The following ABI3BP variants were observed in gnomAD, a reference collection of about 807,000 sequenced individuals.
The protein encoded by ABI3BP is target of Nesh-SH3.
ABI3BP carries 216 observed loss-of-function variants against 268.6 expected under a neutral mutation model. The ratio of observed to expected loss-of-function variants is 0.80; its 90% confidence interval spans 0.72 to 0.90. The LOEUF is 0.90. ABI3BP is among the 40% of genes least tolerant of loss of function. The pLI, the probability that ABI3BP is intolerant of heterozygous loss-of-function variation, is 0.00. For synonymous variants in ABI3BP, 730 were observed against 730.0 expected, an observed-to-expected ratio of 1.00 and a Z score of 0.00; for missense variants, 2,090 against 2,182.4, an observed-to-expected ratio of 0.96 and a Z score of 0.84.
At chr3:100,966,829 C>A (rs1562139362) in intron 1 of ABI3BP, among the ~76,000 whole-genome samples, 1 of 152,114 alleles carries the variant, frequency 6.6e-6, no homozygotes, top group Non-Finnish European at 1.5e-5. Flanking sequence ...CCCTAGGAGA[C>A]TACATGCTAC....
At chr3:100,864,785 C>T (rs1386558655) in intron 11 of ABI3BP, 48 bp downstream of exon 11, 5 of 1,398,430 alleles carry the variant, frequency 3.6e-6, no homozygotes, top group Non-Finnish European at 4.9e-6. Context: ...GGAGTTATTT[C>T]GTTGTTACTT....
intron 1 of ABI3BP, among the ~76,000 whole-genome samples, chr3:100,987,541 G>T (rs2092125881): frequency 6.6e-6 from 1 of 152,060 alleles, no homozygotes; most frequent in Non-Finnish European, 1.5e-5. Context: ...AATTATATTT[G>T]GTCAGTTTTT....
intron 63 of ABI3BP, among the ~76,000 whole-genome samples, chr3:100,765,037 T>C (rs2096204115): frequency 6.6e-6 from 1 of 151,300 alleles, no homozygotes; most frequent in Non-Finnish European, 1.5e-5. Context: ...AGAGCCAAAA[T>C]AGGCTCTTTT....
chr3:100,897,293 T>C (rs2048168357), intron 4 of ABI3BP, among the ~76,000 whole-genome samples: 1 of 152,110 alleles, frequency 6.6e-6, no homozygotes, highest in African/African-American at 2.4e-5. Flanking sequence ...CAAATATACG[T>C]AATATACATC....
At chr3:100,790,412 A>T (rs1422541763) in intron 55 of ABI3BP, among the ~76,000 whole-genome samples, 1 of 151,998 alleles carries the variant, frequency 6.6e-6, no homozygotes, top group East Asian at 1.9e-4. Context: ...AAACTTTGTA[A>T]GTAGATTACA....
At chr3:100,796,597 A>T (rs1223792063) in intron 51 of ABI3BP, 129 bp from the exon 52 acceptor site, 3 of 577,020 alleles carry the variant, frequency 5.2e-6, no homozygotes, top group Admixed American at 8.0e-5. Context: ...TTAATGACCA[A>T]AGTTGAGAAG....
intron 61 of ABI3BP, among the ~76,000 whole-genome samples, chr3:100,774,103 A>G (rs891293855): frequency 6.6e-6 from 1 of 152,204 alleles, no homozygotes; most frequent in South Asian, 2.1e-4. Context: ...GTCATATTGT[A>G]TCTCTCCTAC....
At chr3:100,792,310 G>A (rs989362396) in intron 55 of ABI3BP, among the ~76,000 whole-genome samples, 5 of 150,304 alleles carry the variant, frequency 3.3e-5, no homozygotes, top group Non-Finnish European at 7.4e-5. Flanking sequence ...GAAAAGGAGA[G>A]AAGAGAAGGA....
intron 4 of ABI3BP, among the ~76,000 whole-genome samples, chr3:100,889,637 G>A (rs80339319): frequency 0.011 from 1,750 of 152,196 alleles, 31 homozygotes; most frequent in African/African-American, 0.039. Context: ...TAGACTTCTA[G>A]AAAGCCTGCC....
intron 14 of ABI3BP, among the ~76,000 whole-genome samples, chr3:100,861,809 G>T (rs1241439474): frequency 6.6e-6 from 1 of 152,148 alleles, no homozygotes; most frequent in Non-Finnish European, 1.5e-5. Context: ...TGGAACCAAG[G>T]TCTATTATCA....
chr3:100,838,638 T>TCC (rs2098643171), intron 24 of ABI3BP, among the ~76,000 whole-genome samples, 174 bp from the exon 25 acceptor site: 1 of 152,166 alleles, frequency 6.6e-6, no homozygotes, highest in South Asian at 2.1e-4. Flanking sequence ...CATAATTAGT[T>TCC]TTTCCAGAAA....
rs1358430515 is a variant in ABI3BP at position 100,835,619 on chromosome 3, C to T, written c.2173G>A (p.Ala725Thr). Residue 725 changes from alanine (A) to threonine (T), a missense_variant, in exon 28 of 68, where the codon GCT (alanine) becomes ACT (threonine). Ala to Thr is a moderately conservative substitution (Grantham distance 58). Transcript: ENST00000471714. ...TCATTACCTAATGTTGTCACTGTAG[C>T]CTCAGTTCTCACAGTTACAGGCTCA... ...DIEPVTVRTE[A>T]TVTTLAPKTS... The T allele has an allele frequency of 2.0e-6, 3 of 1,535,152 alleles. No individual in the cohort carries two copies. Among genetic ancestry groups the T allele is most frequent in the African/African-American group, 2.7e-5 (2 of 73,092 alleles).
intron 15 of ABI3BP, among the ~76,000 whole-genome samples, chr3:100,850,948 T>A (rs2153037813): frequency 6.6e-6 from 1 of 152,360 alleles, no homozygotes; most frequent in East Asian, 1.9e-4. Flanking sequence ...AAACCATGAT[T>A]AAACAGTGTT....
Position 100,760,584 on chromosome 3 carries a change from G to A in ABI3BP, c.4850+5257C>T, listed in dbSNP as rs1247593090. On this transcript the variant is annotated intron_variant, in intron 63 of 67. Transcript: ENST00000471714. ...AGTTTTCAGTTTCAGTTCTCTGGCC[G>A]ACTCCATGCATGGCTTTGAATATCA... Among the ~76,000 whole-genome samples, 5 of 152,156 alleles carry A rather than the reference G, an allele frequency of 3.3e-5. No individual in the cohort carries two copies. The South Asian group carries it at 8.3e-4, about 25-fold the overall frequency.
intron 37 of ABI3BP, 139 bp from the exon 38 acceptor site, chr3:100,822,811 C>T (rs556532037): frequency 3.3e-4 from 201 of 606,188 alleles, no homozygotes; most frequent in Admixed American, 1.2e-3. Context: ...TGCATTCCTC[C>T]TTATAGATCT....
intron 1 of ABI3BP, among the ~76,000 whole-genome samples, chr3:100,928,066 T>A (rs748421140): frequency 1.7e-4 from 26 of 151,888 alleles, no homozygotes; most frequent in Non-Finnish European, 2.8e-4. Flanking sequence ...ATGTGTTTCA[T>A]TGAAGAAATG....
At chr3:100,768,152 C>A (rs947190205) in intron 62 of ABI3BP, among the ~76,000 whole-genome samples, 2 of 148,984 alleles carry the variant, frequency 1.3e-5, no homozygotes, top group Non-Finnish European at 3.0e-5. Flanking sequence ...GCAGTGACGC[C>A]ATCTCGGCTC....
intron 1 of ABI3BP, among the ~76,000 whole-genome samples, chr3:100,981,448 T>C (rs1165305328): frequency 6.6e-6 from 1 of 151,640 alleles, no homozygotes; most frequent in Admixed American, 6.6e-5. Context: ...AGGATGAAAG[T>C]TTAGGAAAGA....
Position 100,847,619 on chromosome 3 carries a change from G to C in ABI3BP, c.1631C>G (p.Pro544Arg), listed in dbSNP as rs771547876. ...ITPKISKSPE[P>R]TWTTPAPGKT... ...ATTATTACCCGGTGTTGTCCATGTAGGTTCAGGGCTTTTAGAAATTTTAGG... is the reference window on the plus strand; with the variant it reads ...ATTATTACCCGGTGTTGTCCATGTACGTTCAGGGCTTTTAGAAATTTTAGG... The change falls in exon 19 of 68, where the codon CCT (proline) becomes CGT (arginine). Residue 544 changes from proline to arginine, a missense_variant. Coordinates refer to ENST00000471714, the MANE Select transcript of ABI3BP (RefSeq NM_001375547.2). 1 of 1,613,418 alleles carries C rather than the reference G, an allele frequency of 6.2e-7. No individual in the cohort carries two copies. The highest frequency in any genetic ancestry group is 1.1e-5 in the South Asian group (1 of 91,074).
Sources: allele counts gnomAD v4.1 joint callset (sites outside exome capture counted in the v4.1 genomes callset), GRCh38; gene constraint gnomAD v4.1.1; transcripts MANE v1.5; gene names NCBI Gene and HGNC (gene_info 2026-07-23, HGNC 2026-07-21).